SNTB1: variants seen among roughly 807,000 people sequenced by gnomAD.
SNTB1 encodes beta-1-syntrophin.
In SNTB1, 36 loss-of-function variants were observed where a neutral mutation model predicts 48.9. That is an observed-to-expected ratio of 0.74 (90% CI 0.56 to 0.97). SNTB1 has a LOEUF of 0.97. Among genes scored for constraint, SNTB1 ranks in the 50% least tolerant of loss-of-function variants. The pLI is 0.00. For synonymous variants in SNTB1, 299 were observed against 294.6 expected (o/e 1.01, Z -0.15); for missense variants, 786 against 703.4 (o/e 1.12, Z -1.33).
intron 3 of SNTB1, among the ~76,000 whole-genome samples, chr8:120,600,251 C>CA (rs1180877957): frequency 2.6e-5 from 4 of 152,244 alleles, no homozygotes; most frequent in African/African-American, 9.6e-5. Context: ...TGCTTTCATG[C>CA]ACTTGGAACA....
intron 1 of SNTB1, among the ~76,000 whole-genome samples, chr8:120,709,692 T>C (rs1471409022): frequency 6.6e-6 from 1 of 152,156 alleles, no homozygotes; most frequent in Non-Finnish European, 1.5e-5. Flanking sequence ...TCAAGCCTGA[T>C]TCCAAAGCTT....
intron 4 of SNTB1, among the ~76,000 whole-genome samples, chr8:120,549,887 A>G (rs1473070924): frequency 6.6e-6 from 1 of 152,178 alleles, no homozygotes; most frequent in African/African-American, 2.4e-5. Flanking sequence ...TGCATTTTCA[A>G]TCTTATCTTT....
At chr8:120,694,897 T>C (rs1311081096) in intron 1 of SNTB1, among the ~76,000 whole-genome samples, 1 of 152,146 alleles carries the variant, frequency 6.6e-6, no homozygotes, top group Non-Finnish European at 1.5e-5. Context: ...CTTTTATAAA[T>C]CTTAAGAAAA....
chr8:120,572,904 A>T (rs1815882375), intron 4 of SNTB1, among the ~76,000 whole-genome samples: 1 of 152,156 alleles, frequency 6.6e-6, no homozygotes, highest in Non-Finnish European at 1.5e-5. Context: ...GACAAGAGTG[A>T]AACTCTGTCT....
intron 3 of SNTB1, among the ~76,000 whole-genome samples, chr8:120,596,056 G>T (rs1053272742): frequency 2.0e-5 from 3 of 152,094 alleles, no homozygotes; most frequent in Non-Finnish European, 4.4e-5. Flanking sequence ...TACGTTCAAT[G>T]CCCCTGCCCA....
intron 1 of SNTB1, among the ~76,000 whole-genome samples, chr8:120,779,014 T>C (rs969314963): frequency 7.2e-5 from 11 of 152,168 alleles, no homozygotes; most frequent in Non-Finnish European, 1.0e-4. Flanking sequence ...ATCAGGCCTC[T>C]GCAGTATGTT....
chr8:120,736,444 G>A (rs917181220), intron 1 of SNTB1, among the ~76,000 whole-genome samples: 1 of 152,220 alleles, frequency 6.6e-6, no homozygotes, highest in African/African-American at 2.4e-5. Context: ...AGTATGGCAA[G>A]GAGGCCAAAA....
chr8:120,586,256 T>C (rs1324092556), intron 3 of SNTB1, among the ~76,000 whole-genome samples: 2 of 152,254 alleles, frequency 1.3e-5, no homozygotes, highest in Admixed American at 6.5e-5. Flanking sequence ...AATGTTTTTA[T>C]GTAAACTTTC....
chr8:120,787,561 G>T (rs1028924658), intron 1 of SNTB1, among the ~76,000 whole-genome samples: 3 of 152,070 alleles, frequency 2.0e-5, no homozygotes, highest in Non-Finnish European at 4.4e-5. Context: ...TACTGGAAAT[G>T]AAAGACATAT....
chr8:120,652,505 G>C (rs961850656), intron 2 of SNTB1, among the ~76,000 whole-genome samples: 1 of 151,942 alleles, frequency 6.6e-6, no homozygotes, highest in East Asian at 1.9e-4. Flanking sequence ...GAGAGGGAAG[G>C]ACTTGGTCTG....
chr8:120,780,162 AG>A (rs1819810542), intron 1 of SNTB1, among the ~76,000 whole-genome samples: 1 of 152,152 alleles, frequency 6.6e-6, no homozygotes, highest in African/African-American at 2.4e-5. Context: ...AAGGCAAGAA[AG>A]AATTTCCAGA....
intron 1 of SNTB1, among the ~76,000 whole-genome samples, chr8:120,701,041 TCAGA>T (rs1818302209): frequency 6.6e-6 from 1 of 152,174 alleles, no homozygotes; most frequent in South Asian, 2.1e-4. Flanking sequence ...ACCTGGGTAT[TCAGA>T]CTTCTGGTGA....
chr8:120,773,906 A>G lies in SNTB1; in HGVS notation c.571+37367T>C, dbSNP rs1587151304. The stretch of plus-strand genomic sequence containing the variant: ...GATTCAGGGCTATAGACTTTTAACC[A>G]CCATGCAATTTTCTATGTAAAATTT... On this transcript the variant is annotated intron_variant, in intron 1 of 6. Transcript: ENST00000517992. Among the ~76,000 whole-genome samples, 3 of 152,362 alleles carry G rather than the reference A, an allele frequency of 2.0e-5. No individual in the cohort carries two copies. The South Asian group carries it at 6.2e-4, about 32-fold the overall frequency.
intron 3 of SNTB1, among the ~76,000 whole-genome samples, chr8:120,602,837 A>C (rs1011887239): frequency 2.6e-4 from 40 of 151,442 alleles, no homozygotes; most frequent in African/African-American, 9.6e-4. Flanking sequence ...AGTCATTTTA[A>C]ATGTCAATTC....
In SNTB1 at chr8:120,596,253, G is replaced by A. The variant is rs1023991228; in HGVS notation, c.997-21028C>T. Among the ~76,000 whole-genome samples the A allele has an allele frequency of 3.3e-5, 5 of 151,722 alleles. No individual in the cohort carries two copies. The East Asian group carries it at 7.7e-4, about 23-fold the overall frequency. ...ATTAAGGCACACATTCACAAAGGTC[G>A]ACATTCACTAAACCAAAAATCTATC... On this transcript the variant is annotated intron_variant, in intron 3 of 6. Transcript: ENST00000517992.
intron 1 of SNTB1, among the ~76,000 whole-genome samples, chr8:120,766,417 C>T (rs114357874): frequency 6.6e-6 from 1 of 152,164 alleles, no homozygotes; most frequent in Non-Finnish European, 1.5e-5. Context: ...TGGTTTATAG[C>T]AATGCTCTTT....
intron 1 of SNTB1, among the ~76,000 whole-genome samples, chr8:120,799,795 A>T (rs976139672): frequency 2.6e-5 from 4 of 152,016 alleles, no homozygotes; most frequent in Non-Finnish European, 5.9e-5. Flanking sequence ...GGGACCAAAG[A>T]AATACCTAAC....
chr8:120,687,256 C>T (rs1242536192), intron 2 of SNTB1, among the ~76,000 whole-genome samples: 1 of 152,192 alleles, frequency 6.6e-6, no homozygotes, highest in Non-Finnish European at 1.5e-5. Flanking sequence ...TTGGAAACAT[C>T]TAAAACTCAA....
intron 2 of SNTB1, among the ~76,000 whole-genome samples, chr8:120,640,320 G>T (rs1452743316): frequency 6.6e-6 from 1 of 152,226 alleles, no homozygotes; most frequent in African/African-American, 2.4e-5. Context: ...CATGTCATCT[G>T]CAAACAGGGA....
Sources: allele counts gnomAD v4.1 joint callset (sites outside exome capture counted in the v4.1 genomes callset), GRCh38; gene constraint gnomAD v4.1.1; transcripts MANE v1.5; gene names NCBI Gene and HGNC (gene_info 2026-07-23, HGNC 2026-07-21).